Variants in TNS3 observed in about 807,000 individuals in gnomAD.
TNS3 encodes tensin-3.
TNS3 carries 45 observed loss-of-function variants against 140.9 expected under a neutral mutation model. That is an observed-to-expected ratio of 0.32 (90% CI 0.25 to 0.41). TNS3 has a LOEUF of 0.41. TNS3 is among the 10% of genes least tolerant of loss of function. The probability of loss-of-function intolerance (pLI) is 1.00; values close to 1 mark genes in which losing one functional copy is unlikely to be tolerated. For missense variants in TNS3, 1,716 were observed against 1,906.7 expected, an observed-to-expected ratio of 0.90 and a Z score of 1.86; for synonymous variants, 815 against 788.4, an observed-to-expected ratio of 1.03 and a Z score of -0.56.
chr7:47,363,054 T>TTAC (rs1562638854), intron 17 of TNS3, among the ~76,000 whole-genome samples: 18 of 640 alleles, frequency 0.028, no homozygotes, highest in East Asian at 0.12. Context: ...ATCACCACCA[T>TTAC]CACCGTCATC....
intron 20 of TNS3, among the ~76,000 whole-genome samples, chr7:47,311,756 A>G (rs920836710): frequency 1.3e-5 from 2 of 152,212 alleles, no homozygotes; most frequent in African/African-American, 2.4e-5. Context: ...AATATTGGAA[A>G]ATATACATAC....
At chr7:47,416,390 A>G (rs1359578776) in intron 10 of TNS3, among the ~76,000 whole-genome samples, 1 of 152,194 alleles carries the variant, frequency 6.6e-6, no homozygotes, top group Non-Finnish European at 1.5e-5. Flanking sequence ...TATACAAACA[A>G]ACTAAACAAG....
At chr7:47,383,698 A>C (rs1791908076) in intron 16 of TNS3, among the ~76,000 whole-genome samples, 1 of 152,196 alleles carries the variant, frequency 6.6e-6, no homozygotes, top group Non-Finnish European at 1.5e-5. Flanking sequence ...GGACAGAGGC[A>C]GGCTCTGACC....
intron 13 of TNS3, among the ~76,000 whole-genome samples, chr7:47,409,734 T>G (rs1793661204): frequency 6.6e-6 from 1 of 152,152 alleles, no homozygotes; most frequent in South Asian, 2.1e-4. Flanking sequence ...TTTGGCTCAC[T>G]GCAAGCTCCG....
Position 47,405,546 on chromosome 7 carries a change from T to A in TNS3, c.724-4632A>T, listed in dbSNP as rs569725315. On this transcript the variant is annotated intron_variant, in intron 13 of 30. Transcript: ENST00000311160. ...AAAATGACTTCAGATGTTCGCAATA[T>A]TGTAATTCATGACCTAAAGCAATTG... 2.2e-4 allele frequency: 155 copies of A among 703,000 alleles called. No homozygotes were observed. The African/African-American group carries it at 2.4e-3, about 11-fold the overall frequency. 43.5% of individuals were successfully genotyped at this position (703,000 alleles called of 1,614,324 possible). A position where few individuals can be genotyped will look rare whatever the true frequency, so the allele number is the denominator to read the frequency against.
intron 8 of TNS3, among the ~76,000 whole-genome samples, chr7:47,434,278 G>A (rs914106249): frequency 3.4e-5 from 5 of 147,748 alleles, no homozygotes; most frequent in Non-Finnish European, 7.4e-5. Context: ...ATGGATTTCT[G>A]TGCAGTTTTT....
chr7:47,519,641 A>T (rs530024509), intron 2 of TNS3, among the ~76,000 whole-genome samples: 1 of 151,846 alleles, frequency 6.6e-6, no homozygotes, highest in Non-Finnish European at 1.5e-5. Context: ...GGTGGCCAGC[A>T]CCTAACACAG....
rs762451101 is a variant in TNS3 at position 47,368,756 on chromosome 7, T to C, written c.1890A>G (p.Pro630=). 2 of 1,586,952 alleles carry C rather than the reference T, an allele frequency of 1.3e-6. No homozygotes were observed. Among genetic ancestry groups the C allele is most frequent in the Non-Finnish European group, 1.7e-6 (2 of 1,166,866 alleles). Reference sequence around the variant, plus strand: ...TGCTGGTCCCTCGGGTGGGGGTGAGTGGCACTCTGGGCTGGGCCTGGACGA... The same window carrying C: ...TGCTGGTCCCTCGGGTGGGGGTGAGCGGCACTCTGGGCTGGGCCTGGACGA... The part of the protein sequence containing the change: ...PGLVQAQPRV[P]LTPTRGTSSR... The change falls in exon 17 of 31, where the codon CCA becomes CCG. Residue 630 remains proline (P), a synonymous_variant. Coordinates refer to ENST00000311160, the MANE Select transcript of TNS3 (RefSeq NM_022748.12).
At chr7:47,302,379 A>C in intron 22 of TNS3, 107 bp from the exon 23 acceptor site, 2 of 884,712 alleles carry the variant, frequency 2.3e-6, no homozygotes, top group Non-Finnish European at 3.7e-6. Context: ...AGGGCAAGCA[A>C]GCGAGCGATG....
Position 47,434,406 on chromosome 7 carries a change from T to C in TNS3, c.324+876A>G, listed in dbSNP as rs2151530948. ...TTGTCAAACACACAAAATAGGGAGC[T>C]GCCCATTAATGAACAGTGACCCCAG... is the stretch of plus-strand genomic sequence containing the variant. On this transcript the variant is annotated intron_variant, in intron 8 of 30. Coordinates refer to ENST00000311160, the MANE Select transcript of TNS3 (RefSeq NM_022748.12). Among the ~76,000 whole-genome samples the C allele has an allele frequency of 6.6e-5, 10 of 151,982 alleles. 1 individual carries two copies. In the South Asian group the frequency reaches 2.1e-3, roughly 32 times the overall value.
At chr7:47,571,132 G>A (rs1800545761) in intron 1 of TNS3, among the ~76,000 whole-genome samples, 1 of 152,146 alleles carries the variant, frequency 6.6e-6, no homozygotes. Flanking sequence ...CACTTCTTTT[G>A]GGGTCAGAGC....
intron 3 of TNS3, among the ~76,000 whole-genome samples, chr7:47,499,477 T>C (rs1798130708): frequency 6.6e-6 from 1 of 152,188 alleles, no homozygotes; most frequent in South Asian, 2.1e-4. Flanking sequence ...AGTACCCACC[T>C]TGAGTAGGTG....
intron 4 of TNS3, among the ~76,000 whole-genome samples, chr7:47,474,638 C>T (rs1784081988): frequency 6.8e-6 from 1 of 148,136 alleles, no homozygotes; most frequent in Admixed American, 6.7e-5. Flanking sequence ...TCACACACAA[C>T]ACACACCACA....
At chr7:47,318,450 G>A (rs1385629841) in intron 20 of TNS3, among the ~76,000 whole-genome samples, 1 of 152,150 alleles carries the variant, frequency 6.6e-6, no homozygotes, top group Non-Finnish European at 1.5e-5. Flanking sequence ...AACAGACTCA[G>A]TGACACAATG....
intron 3 of TNS3, among the ~76,000 whole-genome samples, chr7:47,482,274 A>G (rs142541416): frequency 1.3e-5 from 2 of 152,294 alleles, no homozygotes; most frequent in East Asian, 3.9e-4. Flanking sequence ...TTTTACCAGG[A>G]TAACTATTTA....
chr7:47,291,883 A>G, intron 27 of TNS3, 72 bp downstream of exon 27: 1 of 1,517,108 alleles, frequency 6.6e-7, no homozygotes, highest in Middle Eastern at 1.7e-4. Flanking sequence ...CTGAAGTGCA[A>G]AAGGAAGTTG....
chr7:47,521,368 C>T (rs540957892), intron 2 of TNS3, among the ~76,000 whole-genome samples: 5 of 152,336 alleles, frequency 3.3e-5, no homozygotes, highest in Admixed American at 2.0e-4. Context: ...CACCAGCTGC[C>T]GCACCTGCTC....
At chr7:47,521,652 T>C (rs1054156075) in intron 2 of TNS3, among the ~76,000 whole-genome samples, 5 of 151,986 alleles carry the variant, frequency 3.3e-5, no homozygotes, top group Admixed American at 3.3e-4. Flanking sequence ...GACCTGGTGC[T>C]TGAGCTGAAA....
At chr7:47,362,930 ACAT>A (rs1790435754) in intron 17 of TNS3, among the ~76,000 whole-genome samples, 1 of 116,426 alleles carries the variant, frequency 8.6e-6, no homozygotes, top group African/African-American at 3.0e-5. Flanking sequence ...ACCACCATTA[ACAT>A]CATCACCACC....
Sources: gnomAD v4.1 joint callset for allele counts (sites outside exome capture counted in the v4.1 genomes callset) on GRCh38, gnomAD v4.1.1 for gene constraint, MANE v1.5 for transcripts, NCBI Gene and HGNC (gene_info 2026-07-23, HGNC 2026-07-21) for gene names.